The following B4GALNT3 variants were observed in gnomAD, a reference collection of about 807,000 sequenced individuals.
B4GALNT3 encodes beta-1,4-N-acetyl-galactosaminyltransferase 3, also known as beta-1,4-N-acetylgalactosaminyltransferase 3.
Under a neutral mutation model 120.2 loss-of-function variants are expected in B4GALNT3, and 86 were observed. The observed-to-expected ratio is 0.72, with a 90% CI of 0.60 to 0.86. B4GALNT3 has a LOEUF of 0.86. Among genes scored for constraint, B4GALNT3 ranks in the 40% least tolerant of loss-of-function variants. The pLI is 0.00. For synonymous variants in B4GALNT3, 518 were observed against 510.4 expected (o/e 1.01, Z -0.20); for missense variants, 1,167 against 1,298.9 (o/e 0.90, Z 1.56).
intron 1 of B4GALNT3, among the ~76,000 whole-genome samples, chr12:523,505 C>T (rs1479499940): frequency 6.6e-6 from 1 of 152,172 alleles, no homozygotes; most frequent in Non-Finnish European, 1.5e-5. Flanking sequence ...GCTCAGCCAG[C>T]GTCCTCCCCG....
intron 1 of B4GALNT3, among the ~76,000 whole-genome samples, chr12:481,093 G>T (rs215223): frequency 6.6e-6 from 1 of 152,032 alleles, no homozygotes; most frequent in Non-Finnish European, 1.5e-5. Context: ...GAGGGAAGGC[G>T]AGGTGGGAGT....
At chr12:481,821 G>C (rs183995878) in intron 1 of B4GALNT3, among the ~76,000 whole-genome samples, 1 of 152,116 alleles carries the variant, frequency 6.6e-6, no homozygotes, top group Non-Finnish European at 1.5e-5. Context: ...GGGGAAGCCT[G>C]GATGAGGGTC....
intron 1 of B4GALNT3, among the ~76,000 whole-genome samples, chr12:525,956 C>T (rs1194865133): frequency 6.6e-6 from 1 of 152,210 alleles, no homozygotes. Flanking sequence ...CCTGAGGTTC[C>T]TGCGGCCTGA....
intron 14 of B4GALNT3, 97 bp downstream of exon 14, chr12:554,080 A>G: frequency 2.4e-6 from 2 of 832,040 alleles, no homozygotes; most frequent in Non-Finnish European, 3.7e-6. Context: ...GGGTTCCCCC[A>G]GCCGCGGAAA....
chr12:553,945 G>C lies in B4GALNT3; in HGVS notation c.2022G>C (p.Thr674=). Residue 674 remains threonine (T), a synonymous_variant, in exon 14 of 20, where the codon ACG becomes ACC. Transcript: ENST00000266383. ...CAGAGCAGGAAGCTCTGGAGGTCACGCGAGTCTTCTTGAAGAAGCTCAACC... is the reference window on the plus strand; with the variant it reads ...CAGAGCAGGAAGCTCTGGAGGTCACCCGAGTCTTCTTGAAGAAGCTCAACC... ...LLPEQEALEV[T]RVFLKKLNQR... is the part of the protein sequence containing the mutation. 1 of 1,613,910 alleles carries C rather than the reference G, an allele frequency of 6.2e-7. No individual in the cohort carries two copies. The highest frequency in any genetic ancestry group is 2.2e-5 in the East Asian group (1 of 44,874).
intron 1 of B4GALNT3, among the ~76,000 whole-genome samples, chr12:515,738 C>T (rs1484844768): frequency 6.6e-6 from 1 of 152,182 alleles, no homozygotes; most frequent in Non-Finnish European, 1.5e-5. Context: ...GTCTTAGCGC[C>T]TGACTCTGAA....
rs750396265 is a variant in B4GALNT3, at chr12:553,334, C to T, written c.1411C>T (p.Arg471Cys). The part of the protein sequence containing the change: ...STLEQDATDY[R>C]LRSLRKLLAQ... ...CCTGGAGCAAGATGCCACTGACTAC[C>T]GCCTCCGAAGCCTGCGGAAACTCCT... is the stretch of plus-strand genomic sequence containing the variant. Residue 471 changes from arginine (R) to cysteine (C), a missense_variant, in exon 14 of 20, where the codon CGC (arginine) becomes TGC (cysteine). Around this residue, in one of 3 missense-constraint regions of B4GALNT3, gnomAD observed 983 missense variants for 1,102.5 expected, o/e 0.89. Transcript: ENST00000266383. The T allele has an allele frequency of 1.3e-5, 21 of 1,613,648 alleles. No individual in the cohort carries two copies. The highest frequency in any genetic ancestry group is 3.3e-5 in the South Asian group (3 of 91,088).
intron 1 of B4GALNT3, among the ~76,000 whole-genome samples, chr12:532,664 A>G (rs1319642163): frequency 6.6e-6 from 1 of 152,156 alleles, no homozygotes; most frequent in African/African-American, 2.4e-5. Context: ...GGGGGGTTCT[A>G]CTAAACTGAC....
At chr12:509,409 A>G (rs1464932022) in intron 1 of B4GALNT3, among the ~76,000 whole-genome samples, 3 of 152,224 alleles carry the variant, frequency 2.0e-5, no homozygotes, top group Non-Finnish European at 4.4e-5. Flanking sequence ...TTGGGAAGCA[A>G]CACTGAATGG....
chr12:557,712 AGT>A lies in B4GALNT3; in HGVS notation c.2487_2488del (p.Ser829ArgfsTer6), dbSNP rs1167953179. The A allele has an allele frequency of 3.2e-5, 51 of 1,606,058 alleles. No individual in the cohort carries two copies. Among genetic ancestry groups the A allele is most frequent in the Non-Finnish European group, 4.3e-5 (51 of 1,177,776 alleles). On this transcript the variant is annotated frameshift_variant, in exon 16 of 20. Transcript: ENST00000266383. LOFTEE classifies it high-confidence loss of function. ...HFNIVITDYS[S>X]EDMDVEMALK... ...CAACATCGTCATCACTGACTATAGC[AGT>A]GAGGACATGGATGTTGAGATGGCAC...
chr12:511,300 ACCTT>A, intron 1 of B4GALNT3, among the ~76,000 whole-genome samples: 1 of 47,352 alleles, frequency 2.1e-5, no homozygotes, highest in African/African-American at 1.7e-4. Flanking sequence ...TCGACCTTCC[ACCTT>A]CCACCTTCCG....
At chr12:521,453 C>G (rs1028406435) in intron 1 of B4GALNT3, among the ~76,000 whole-genome samples, 5 of 152,138 alleles carry the variant, frequency 3.3e-5, no homozygotes, top group African/African-American at 9.7e-5. Flanking sequence ...GTGGTTCTGT[C>G]TTTGATTCTG....
Position 545,474 on chromosome 12 carries a change from G to A in B4GALNT3, c.639+5G>A. On this transcript the variant is annotated splice_donor_5th_base_variant and intron_variant, in intron 6 of 19. Transcript: ENST00000266383. The stretch of plus-strand genomic sequence containing the variant: ...CTGCTGGCCAGTGTGGGCAAGGTAA[G>A]GCCAGCTCAACCCCGGTCCCTCCCA... 6 of 1,594,638 alleles carry A rather than the reference G, an allele frequency of 3.8e-6. No homozygotes were observed. Among genetic ancestry groups the A allele is most frequent in the Non-Finnish European group, 5.1e-6 (6 of 1,170,954 alleles).
rs916553985 is a variant in B4GALNT3, at chr12:563,174, T to C, written c.*1723T>C. The C allele has an allele frequency of 5.2e-5, 8 of 152,514 alleles. No homozygotes were observed. Among genetic ancestry groups the C allele is most frequent in the African/African-American group, 1.9e-4 (8 of 41,440 alleles). 9.4% of individuals were successfully genotyped at this position (152,514 alleles called of 1,614,324 possible). On this transcript the variant is annotated 3_prime_UTR_variant, in exon 20 of 20. Coordinates refer to ENST00000266383, the MANE Select transcript of B4GALNT3 (RefSeq NM_173593.4). The stretch of plus-strand genomic sequence containing the variant: ...CCGACTGGCCCCTGGAGAAGGATGG[T>C]GGGGCATAGGCTAGGGCTGCAGTTG...
rs150241483 is a variant in B4GALNT3 at position 485,251 on chromosome 12, T to C, written c.169+24706T>C. On this transcript the variant is annotated intron_variant, in intron 1 of 19. Transcript: ENST00000266383. ...CCTGATGTGAGAGGAGGCTGCTACA[T>C]CCCCAGCAAGCGTGGGCACTGAGAA... Among the ~76,000 whole-genome samples, 476 of 152,094 alleles carry C rather than the reference T, an allele frequency of 3.1e-3. 3 individuals are homozygous for C. The highest frequency in any genetic ancestry group is 0.01 in the African/African-American group (434 of 41,468).
intron 1 of B4GALNT3, among the ~76,000 whole-genome samples, chr12:512,293 T>TCTTCCAC (rs1333424114): frequency 3.0e-5 from 2 of 66,232 alleles, no homozygotes; most frequent in African/African-American, 2.1e-4. Context: ...CCTTCCACCT[T>TCTTCCAC]CTTCCACCTT....
chr12:533,812 C>T (rs76671120), intron 1 of B4GALNT3, among the ~76,000 whole-genome samples: 32 of 152,232 alleles, frequency 2.1e-4, no homozygotes. Context: ...AGCACTCTCA[C>T]CCCACACCTG....
At chr12:519,349 A>G (rs1946684796) in intron 1 of B4GALNT3, among the ~76,000 whole-genome samples, 1 of 152,198 alleles carries the variant, frequency 6.6e-6, no homozygotes, top group Non-Finnish European at 1.5e-5. Flanking sequence ...TATGCTCAAG[A>G]AGCCAAAAGA....
At chr12:517,348 C>A (rs954982773) in intron 1 of B4GALNT3, among the ~76,000 whole-genome samples, 2 of 152,042 alleles carry the variant, frequency 1.3e-5, no homozygotes, top group African/African-American at 4.8e-5. Flanking sequence ...TCAGGGATTA[C>A]AGGGGAATCA....
Sources: gnomAD v4.1 joint callset for allele counts (sites outside exome capture counted in the v4.1 genomes callset) on GRCh38, gnomAD v4.1.1 for gene constraint, gnomAD v4.1.1 regional missense constraint, MANE v1.5 for transcripts, NCBI Gene and HGNC (gene_info 2026-07-23, HGNC 2026-07-21) for gene names.